Variants in TANC1 observed in about 807,000 individuals in gnomAD.
TANC1 encodes the protein protein TANC1.
TANC1 carries 77 observed loss-of-function variants against 149.7 expected under a neutral mutation model. That is an observed-to-expected ratio of 0.51 (90% CI 0.43 to 0.62). TANC1 has a LOEUF of 0.62. Ranked by LOEUF, TANC1 falls within the 20% of genes least tolerant of loss-of-function variation. TANC1 has a pLI of 0.00. For missense variants in TANC1, 1,985 were observed against 2,321.8 expected (o/e 0.85, Z 2.98); for synonymous variants, 854 against 925.0 (o/e 0.92, Z 1.39).
chr2:159,097,493 T>C (rs1411711802), intron 3 of TANC1, 144 bp from the exon 4 acceptor site: 1 of 653,968 alleles, frequency 1.5e-6, no homozygotes, highest in East Asian at 2.8e-5. Flanking sequence ...TCAAGAGTAG[T>C]GGGGGAAAAG....
intron 1 of TANC1, among the ~76,000 whole-genome samples, chr2:158,981,789 A>T (rs576282202): frequency 6.6e-6 from 1 of 151,966 alleles, no homozygotes; most frequent in South Asian, 2.1e-4. Context: ...ATGGTAAAAT[A>T]ATACTCCATA....
At position 159,033,875 on chromosome 2, in the gene TANC1, C is replaced by T. The variant is rs139894164; in HGVS notation, c.-15-32021C>T. Among the ~76,000 whole-genome samples the T allele has an allele frequency of 3.6e-3, 552 of 152,306 alleles. 3 individuals are homozygous for T. The highest frequency in any genetic ancestry group is 0.012 in the African/African-American group (512 of 41,558). Reference sequence around the variant, plus strand: ...AAGCTCTGTTCTTCAGGCACTGTGGCTCTTAGTAGTTATCCTTGAATGCGT... The same window carrying T: ...AAGCTCTGTTCTTCAGGCACTGTGGTTCTTAGTAGTTATCCTTGAATGCGT... On this transcript the variant is annotated intron_variant, in intron 2 of 26. Coordinates refer to ENST00000263635, the MANE Select transcript of TANC1 (RefSeq NM_033394.3).
Position 159,099,798 on chromosome 2 carries a change from G to A in TANC1, c.259+1964G>A, listed in dbSNP as rs538644686. On this transcript the variant is annotated intron_variant, in intron 4 of 26. Transcript: ENST00000263635. The stretch of plus-strand genomic sequence containing the variant: ...GCCTCTTAGTAATTTTTCATGCACC[G>A]ATACCTACCCTGTTCCTTGGCTATA... Among the ~76,000 whole-genome samples, 11 of 151,784 alleles carry A rather than the reference G, an allele frequency of 7.2e-5. No homozygotes were observed. The South Asian group carries it at 1.5e-3, about 20-fold the overall frequency.
intron 2 of TANC1, among the ~76,000 whole-genome samples, chr2:159,049,033 C>G (rs188643775): frequency 6.6e-5 from 10 of 152,322 alleles, no homozygotes; most frequent in African/African-American, 2.4e-4. Context: ...TTTGTTTCCT[C>G]ATAGGTCCCT....
At chr2:159,171,871 A>AAGAAAG (rs1553599449) in intron 10 of TANC1, among the ~76,000 whole-genome samples, 12 of 105,604 alleles carry the variant, frequency 1.1e-4, no homozygotes, top group South Asian at 8.5e-4. Context: ...AAAAAAAAAA[A>AAGAAAG]AAAAGAAAAA....
Position 159,227,839 on chromosome 2 carries a change from A to G in TANC1, c.3924A>G (p.Ala1308=). The change falls in exon 25 of 27, where the codon GCA becomes GCG. Residue 1308 remains alanine, a synonymous_variant. Coordinates refer to ENST00000263635, the MANE Select transcript of TANC1 (RefSeq NM_033394.3). The part of the protein sequence containing the change: ...VMYKKGKMKE[A]AQRYQYALRK... ...CCTAGAAAGGGAAAATGAAAGAGGC[A>G]GCCCAGAGGTACCAGTATGCCTTAA... 1 of 1,613,830 alleles carries G rather than the reference A, an allele frequency of 6.2e-7. No individual in the cohort carries two copies. The highest frequency in any genetic ancestry group is 8.5e-7 in the Non-Finnish European group (1 of 1,179,954).
At chr2:159,026,856 C>G (rs574902976) in intron 2 of TANC1, among the ~76,000 whole-genome samples, 74 of 152,270 alleles carry the variant, frequency 4.9e-4, no homozygotes, top group Admixed American at 9.1e-4. Context: ...CCATTCCGCC[C>G]TTCTAGAGCT....
chr2:158,992,749 T>C (rs1183620523), intron 1 of TANC1, among the ~76,000 whole-genome samples: 1 of 150,280 alleles, frequency 6.7e-6, no homozygotes, highest in African/African-American at 2.5e-5. Context: ...CTCGATCTCC[T>C]GACCTCGTGA....
chr2:159,042,555 C>T (rs2040729941), intron 2 of TANC1, among the ~76,000 whole-genome samples: 1 of 151,932 alleles, frequency 6.6e-6, no homozygotes. Context: ...CCAGGGAAGA[C>T]CAGCCCTGGA....
At chr2:159,108,448 A>T (rs897567465) in intron 4 of TANC1, among the ~76,000 whole-genome samples, 5 of 152,224 alleles carry the variant, frequency 3.3e-5, no homozygotes, top group African/African-American at 1.2e-4. Context: ...CGGCTGGAAC[A>T]AACCCAGTAC....
In TANC1 at chr2:159,105,970, TA is replaced by T. The variant is rs57945495; in HGVS notation, c.259+8148del. Among the ~76,000 whole-genome samples, 392 of 147,988 alleles carry T rather than the reference TA, an allele frequency of 2.6e-3. 1 individual carries two copies. Among genetic ancestry groups the T allele is most frequent in the African/African-American group, 8.1e-3 (328 of 40,416 alleles). ...TTTAAGGGTATCAGTCATGTATGTT[TA>T]AAAAAAAAAAACTGTTTCTGGTTCG... On this transcript the variant is annotated intron_variant, in intron 4 of 26. Coordinates refer to ENST00000263635, the MANE Select transcript of TANC1 (RefSeq NM_033394.3).
intron 11 of TANC1, among the ~76,000 whole-genome samples, 175 bp from the exon 12 acceptor site, chr2:159,174,778 A>G (rs777592533): frequency 6.6e-5 from 10 of 152,256 alleles, no homozygotes; most frequent in African/African-American, 1.4e-4. Flanking sequence ...TGCAAACCAC[A>G]TAAGTGAAGG....
chr2:159,094,821 C>T (rs757997197), intron 3 of TANC1, among the ~76,000 whole-genome samples: 5 of 152,060 alleles, frequency 3.3e-5, no homozygotes, highest in Non-Finnish European at 7.4e-5. Flanking sequence ...GTCCACACAG[C>T]CTCTAGGAGG....
chr2:159,000,875 A>C (rs937416071), intron 1 of TANC1, among the ~76,000 whole-genome samples: 7 of 152,178 alleles, frequency 4.6e-5, no homozygotes, highest in Non-Finnish European at 7.3e-5. Flanking sequence ...ATCTGCCATC[A>C]CTGACCCTGC....
At chr2:159,189,401 G>T (rs1016485432) in intron 16 of TANC1, among the ~76,000 whole-genome samples, 3 of 152,216 alleles carry the variant, frequency 2.0e-5, no homozygotes, top group African/African-American at 7.2e-5. Flanking sequence ...CAGGAGGGCA[G>T]AGCTCCCTCC....
At chr2:159,192,885 G>A (rs1184714597) in intron 16 of TANC1, among the ~76,000 whole-genome samples, 1 of 152,146 alleles carries the variant, frequency 6.6e-6, no homozygotes, top group African/African-American at 2.4e-5. Flanking sequence ...CCTAACTGCA[G>A]GTGATCCGCC....
At chr2:159,069,765 CTTT>C (rs67843631) in intron 3 of TANC1, among the ~76,000 whole-genome samples, 3,911 of 109,340 alleles carry the variant, frequency 0.036, 135 homozygotes, top group African/African-American at 0.11. Flanking sequence ...TATGTGCAAG[CTTT>C]TTTTTTTTTT....
At chr2:159,195,667 A>C (rs1169160648) in intron 17 of TANC1, among the ~76,000 whole-genome samples, 1 of 152,078 alleles carries the variant, frequency 6.6e-6, no homozygotes, top group African/African-American at 2.4e-5. Flanking sequence ...CAGTTCATGG[A>C]GAAGGAAATG....
intron 4 of TANC1, among the ~76,000 whole-genome samples, chr2:159,117,041 A>T (rs892481042): frequency 2.2e-4 from 34 of 152,104 alleles, no homozygotes; most frequent in African/African-American, 7.5e-4. Flanking sequence ...GAGCCCTCAC[A>T]CTCTGCCTTT....
Sources: allele counts gnomAD v4.1 joint callset (sites outside exome capture counted in the v4.1 genomes callset), GRCh38; gene constraint gnomAD v4.1.1; transcripts MANE v1.5; gene names NCBI Gene and HGNC (gene_info 2026-07-23, HGNC 2026-07-21).